Variants in COX7A2 observed in about 807,000 individuals in gnomAD.
COX7A2 encodes the protein cytochrome c oxidase subunit 7A2.
A neutral mutation model predicts 11.6 loss-of-function variants in COX7A2; 11 were observed. That is an observed-to-expected ratio of 0.95 (90% CI 0.60 to 1.57). The LOEUF (loss-of-function observed/expected upper bound fraction) is 1.57, where lower values mean the gene tolerates loss of function less well. COX7A2 is among the 40% of genes most tolerant of loss of function. The probability of loss-of-function intolerance (pLI) is 0.00; values close to 1 mark genes in which losing one functional copy is unlikely to be tolerated. For missense variants in COX7A2, 106 were observed against 100.9 expected, an observed-to-expected ratio of 1.05 and a Z score of -0.22; for synonymous variants, 30 against 38.2, an observed-to-expected ratio of 0.78 and a Z score of 0.79.
At chr6:75,243,446 G>A (rs1301866290) in intron 1 of COX7A2, among the ~76,000 whole-genome samples, 2 of 152,138 alleles carry the variant, frequency 1.3e-5, no homozygotes, top group African/African-American at 4.8e-5. Flanking sequence ...GACAGGGTTA[G>A]AGGTGGTGAC....
upstream of COX7A2, among the ~76,000 whole-genome samples, chr6:75,246,839 AC>A (rs1381149161): frequency 6.6e-6 from 1 of 152,204 alleles, no homozygotes; most frequent in Admixed American, 6.5e-5. Context: ...TTGCCTGCGT[AC>A]CTAACAAACT....
At chr6:75,244,376 A>C (rs148336933), upstream of COX7A2, among the ~76,000 whole-genome samples, 1,144 of 152,286 alleles carry the variant, frequency 7.5e-3, 9 homozygotes, top group Non-Finnish European at 0.011. Context: ...GTTCTTCCAC[A>C]GTGTCCCCAA....
chr6:75,243,293 G>C (rs914001360), intron 1 of COX7A2, among the ~76,000 whole-genome samples: 1 of 152,114 alleles, frequency 6.6e-6, no homozygotes, highest in African/African-American at 2.4e-5. Context: ...GCCTTCTCAA[G>C]CTCGCAAAGC....
chr6:75,240,222 G>T, intron 3 of COX7A2, 79 bp downstream of exon 3: 1 of 1,037,336 alleles, frequency 9.6e-7, no homozygotes. Context: ...TAAAATACTG[G>T]CATAGCAAAA....
At chr6:75,248,081 CTTT>C (rs905344722), upstream of COX7A2, among the ~76,000 whole-genome samples, 1 of 10,684 alleles carries the variant, frequency 9.4e-5, no homozygotes, top group African/African-American at 3.0e-4. Context: ...CATCCTTTAT[CTTT>C]TTTTTTTTTT....
intron 3 of COX7A2, among the ~76,000 whole-genome samples, chr6:75,238,359 A>G (rs1771379144): frequency 6.6e-6 from 1 of 151,656 alleles, no homozygotes; most frequent in South Asian, 2.1e-4. Flanking sequence ...CCTAAAGTGA[A>G]TGTAAAAAAA....
upstream of COX7A2, among the ~76,000 whole-genome samples, chr6:75,247,922 CTA>C (rs1771714707): frequency 6.6e-6 from 1 of 152,156 alleles, no homozygotes; most frequent in South Asian, 2.1e-4. Context: ...AATCCGCATT[CTA>C]TAGAGAATCT....
rs375148077 is a variant in COX7A2, at chr6:75,241,222, C to A, written c.62G>T (p.Arg21Leu). Residue 21 changes from arginine to leucine, a missense_variant, in exon 2 of 4, where the codon CGC (arginine) becomes CTC (leucine). Coordinates refer to ENST00000684430, the MANE Select transcript of COX7A2 (RefSeq NM_001366293.2). The stretch of plus-strand genomic sequence containing the variant: ...CGGAACTTTATTTTTAAAATGCCTG[C>A]GGGAAGCAGTGCTTATCGTCCTCTG... ...IGQRTISTAS[R>L]RHFKNKVPEK... The A allele has an allele frequency of 1.9e-6, 3 of 1,594,550 alleles. No individual in the cohort carries two copies. The highest frequency in any genetic ancestry group is 2.6e-6 in the Non-Finnish European group (3 of 1,165,500).
chr6:75,242,334 C>T (rs1318235416), intron 1 of COX7A2, among the ~76,000 whole-genome samples: 4 of 152,148 alleles, frequency 2.6e-5, no homozygotes, highest in African/African-American at 9.6e-5. Flanking sequence ...GGCGAAACCC[C>T]GTCTCTACTA....
At chr6:75,250,076 C>T (rs1425814106) in exon 1 of COX7A2, 1 of 152,166 alleles carries the variant, frequency 6.6e-6, no homozygotes, top group Non-Finnish European at 1.5e-5. Flanking sequence ...TTGGCTATAC[C>T]ATTCACAGTA....
rs771075237 is a variant in COX7A2 at position 75,243,741 on chromosome 6, T to C, written c.-7A>G. On this transcript the variant is annotated 5_prime_UTR_variant, in exon 1 of 4. Transcript: ENST00000684430. The stretch of plus-strand genomic sequence containing the variant: ...CCAGCAGATTCCGCAGCATCTTGGC[T>C]GTTACTGACCAGCAACCGCCACAAC... 2.5e-6 allele frequency: 4 copies of C among 1,613,940 alleles called. No individual in the cohort carries two copies. In the South Asian group the frequency reaches 3.3e-5, roughly 13 times the overall value.
At chr6:75,248,081 C>CTTTT (rs905344722), upstream of COX7A2, among the ~76,000 whole-genome samples, 16 of 10,676 alleles carry the variant, frequency 1.5e-3, 7 homozygotes, top group African/African-American at 4.5e-3. Flanking sequence ...CATCCTTTAT[C>CTTTT]TTTTTTTTTT....
upstream of COX7A2, among the ~76,000 whole-genome samples, chr6:75,245,497 A>AC (rs1043295552): frequency 6.6e-6 from 1 of 151,772 alleles, no homozygotes; most frequent in Non-Finnish European, 1.5e-5. Context: ...TATCAAAAAA[A>AC]AAAAAAAAGC....
At chr6:75,247,986 T>C (rs1771716422), upstream of COX7A2, among the ~76,000 whole-genome samples, 1 of 152,202 alleles carries the variant, frequency 6.6e-6, no homozygotes, top group Non-Finnish European at 1.5e-5. Context: ...CAGGCACTCT[T>C]TTAAGTCTGA....
intron 3 of COX7A2, among the ~76,000 whole-genome samples, chr6:75,238,728 A>G (rs1007672337): frequency 7.3e-6 from 1 of 136,244 alleles, no homozygotes; most frequent in Non-Finnish European, 1.6e-5. Flanking sequence ...AAAAAAAAAA[A>G]GCTGATAACT....
At chr6:75,248,587 T>C (rs1273606432), upstream of COX7A2, among the ~76,000 whole-genome samples, 1 of 152,228 alleles carries the variant, frequency 6.6e-6, no homozygotes, top group Non-Finnish European at 1.5e-5. Context: ...CCCAAAAATA[T>C]ATAAAACCAA....
chr6:75,249,942 T>C (rs1299339527), intron 1 of COX7A2: 1 of 152,080 alleles, frequency 6.6e-6, no homozygotes, highest in African/African-American at 2.4e-5. Flanking sequence ...TCAAGAGAGA[T>C]GTAGATAAGG....
Position 75,241,280 on chromosome 6 carries a change from T to C in COX7A2, c.19-15A>G, listed in dbSNP as rs745568484. ...TGACGAAGAGCCTAAAATGAAAATA[T>C]TATTAAATAGACTTAGAGCCTAAAG... On this transcript the variant is annotated splice_polypyrimidine_tract_variant and intron_variant, in intron 1 of 3. Transcript: ENST00000684430. The C allele has an allele frequency of 1.3e-6, 2 of 1,507,006 alleles. No individual in the cohort carries two copies. Among genetic ancestry groups the C allele is most frequent in the African/African-American group, 1.4e-5 (1 of 72,850 alleles). The allele number at this position is 1,507,006 out of a possible 1,614,324, so 93.4% of individuals were successfully genotyped here. A position where few individuals can be genotyped will look rare whatever the true frequency, so the allele number is the denominator to read the frequency against.
chr6:75,249,717 G>A lies in COX7A2; in HGVS notation c.-44+339C>T, dbSNP rs184535833. On this transcript the variant is annotated intron_variant, in intron 1 of 4. Transcript: ENST00000370081. The stretch of plus-strand genomic sequence containing the variant: ...TGGTTTGATTTGCAGAACAAATGAA[G>A]AATGAGGTAACAGTGGAAGGCTGAT... 1.7e-3 allele frequency among the ~76,000 whole-genome samples: 258 copies of A among 152,344 alleles called. 2 individuals are homozygous for A. Among genetic ancestry groups the A allele is most frequent in the Non-Finnish European group, 3.1e-3 (209 of 68,032 alleles).
Sources: allele counts gnomAD v4.1 joint callset (sites outside exome capture counted in the v4.1 genomes callset), GRCh38; gene constraint gnomAD v4.1.1; transcripts MANE v1.5; gene names NCBI Gene and HGNC (gene_info 2026-07-23, HGNC 2026-07-21).